Variants in CHRM3 observed in about 807,000 individuals in gnomAD.
The protein encoded by CHRM3 is muscarinic acetylcholine receptor M3.
Under a neutral mutation model 41.8 loss-of-function variants are expected in CHRM3, and 11 were observed. That is an observed-to-expected ratio of 0.26 (90% CI 0.17 to 0.44). The LOEUF (loss-of-function observed/expected upper bound fraction) is 0.44, where lower values mean the gene tolerates loss of function less well. Ranked by LOEUF, CHRM3 falls within the 20% of genes least tolerant of loss-of-function variation. The pLI is 1.00. For synonymous variants in CHRM3, 297 were observed against 301.4 expected, an observed-to-expected ratio of 0.99 and a Z score of 0.15; for missense variants, 571 against 745.4, an observed-to-expected ratio of 0.77 and a Z score of 2.72.
chr1:239,889,310 C>A (rs1226291872), intron 6 of CHRM3, among the ~76,000 whole-genome samples: 1 of 152,158 alleles, frequency 6.6e-6, no homozygotes, highest in Non-Finnish European at 1.5e-5. Context: ...GGGTCAATTT[C>A]TGGTAGCCCC....
chr1:239,616,220 C>T (rs1031136152), intron 3 of CHRM3, among the ~76,000 whole-genome samples: 1 of 151,968 alleles, frequency 6.6e-6, no homozygotes, highest in African/African-American at 2.4e-5. Flanking sequence ...GTGGTTAAAC[C>T]TAAATTTAAT....
rs77353617 is a variant in CHRM3, at chr1:239,725,703, G to A, written c.-147+47415G>A. Among the ~76,000 whole-genome samples the A allele has an allele frequency of 7.1e-3, 1,072 of 152,026 alleles. 36 individuals are homozygous for A. The East Asian group carries it at 0.095, about 14-fold the overall frequency. The stretch of plus-strand genomic sequence containing the variant: ...AACCAACAGTAATGAAAGCTTTGCT[G>A]TCTAGCTAAACGCTTTATAAAGACT... On this transcript the variant is annotated intron_variant, in intron 5 of 6. Coordinates refer to ENST00000676153, the MANE Select transcript of CHRM3 (RefSeq NM_001375978.1).
intron 2 of CHRM3, among the ~76,000 whole-genome samples, chr1:239,504,085 T>C (rs1288523622): frequency 1.3e-5 from 2 of 152,280 alleles, no homozygotes; most frequent in East Asian, 3.9e-4. Context: ...AAAGAGCTTT[T>C]GCACAGCAAA....
At chr1:239,477,424 A>G (rs998297792) in intron 1 of CHRM3, among the ~76,000 whole-genome samples, 1 of 152,218 alleles carries the variant, frequency 6.6e-6, no homozygotes. Flanking sequence ...AATCCATTCA[A>G]GACCTGGCAA....
rs139740227 is a variant in CHRM3, at chr1:239,677,423, G to A, written c.-249-763G>A. On this transcript the variant is annotated intron_variant, in intron 4 of 6. Transcript: ENST00000676153. ...TTAGGGGGAACTCATACCTAGTTGC[G>A]TCTTTTTTTGTGCTGCTATAACAAA... Among the ~76,000 whole-genome samples the A allele has an allele frequency of 6.6e-3, 1,003 of 152,266 alleles. 12 individuals carry two copies. Among genetic ancestry groups the A allele is most frequent in the African/African-American group, 0.02 (849 of 41,556 alleles).
intron 3 of CHRM3, among the ~76,000 whole-genome samples, chr1:239,598,060 A>T (rs1037627269): frequency 3.3e-5 from 5 of 152,068 alleles, no homozygotes; most frequent in African/African-American, 1.2e-4. Context: ...CATAGAAAAC[A>T]CAGCCCAGGG....
intron 1 of CHRM3, among the ~76,000 whole-genome samples, chr1:239,476,487 G>A (rs562103152): frequency 3.1e-4 from 46 of 149,992 alleles, no homozygotes; most frequent in African/African-American, 1.1e-3. Context: ...AAAAATTGCT[G>A]GTTTCTCACA....
intron 2 of CHRM3, among the ~76,000 whole-genome samples, chr1:239,500,186 T>C (rs1332558921): frequency 6.6e-6 from 1 of 152,214 alleles, no homozygotes; most frequent in Non-Finnish European, 1.5e-5. Context: ...ATTGCAGCAC[T>C]ATTCACAATA....
chr1:239,860,638 A>G (rs2149268898), intron 6 of CHRM3, among the ~76,000 whole-genome samples: 1 of 152,298 alleles, frequency 6.6e-6, no homozygotes, highest in South Asian at 2.1e-4. Context: ...AATTTCATGC[A>G]GTGTTTTAAA....
In CHRM3 at chr1:239,657,254, C is replaced by A. The variant is rs560599291; in HGVS notation, c.-249-20932C>A. ...GGAATGTGAAGAGGAGCTGGAATAC[C>A]CAAAATGTCCTAATGCTCTCTCTAC... On this transcript the variant is annotated intron_variant, in intron 4 of 6. Transcript: ENST00000676153. Among the ~76,000 whole-genome samples the A allele has an allele frequency of 3.0e-4, 45 of 152,174 alleles. No individual in the cohort carries two copies. The South Asian group carries it at 8.9e-3, about 30-fold the overall frequency.
intron 6 of CHRM3, among the ~76,000 whole-genome samples, chr1:239,870,185 T>C (rs1214071758): frequency 6.6e-6 from 1 of 152,162 alleles, no homozygotes; most frequent in Non-Finnish European, 1.5e-5. Context: ...AGGGAAAGAA[T>C]AGGCATTTTA....
chr1:239,419,087 G>C (rs972142143), intron 1 of CHRM3, among the ~76,000 whole-genome samples: 1 of 152,160 alleles, frequency 6.6e-6, no homozygotes, highest in South Asian at 2.1e-4. Context: ...ATCCCAGTTC[G>C]TCTGAAACAT....
chr1:239,646,397 T>A (rs1000729423), intron 4 of CHRM3, among the ~76,000 whole-genome samples: 15 of 152,196 alleles, frequency 9.9e-5, no homozygotes, highest in African/African-American at 2.7e-4. Flanking sequence ...ATGCTGGATA[T>A]AAGTTATGTA....
chr1:239,762,334 T>C (rs1666864707), intron 5 of CHRM3, among the ~76,000 whole-genome samples: 2 of 152,222 alleles, frequency 1.3e-5, no homozygotes, highest in South Asian at 4.1e-4. Context: ...CTGTGTTCTA[T>C]GTTAAGAGGT....
intron 5 of CHRM3, among the ~76,000 whole-genome samples, chr1:239,777,555 A>C (rs2148775818): frequency 6.6e-6 from 1 of 152,336 alleles, no homozygotes; most frequent in African/African-American, 2.4e-5. Flanking sequence ...AATAAACATT[A>C]AGTCTCACAT....
intron 5 of CHRM3, among the ~76,000 whole-genome samples, chr1:239,814,251 G>A (rs912092930): frequency 6.6e-6 from 1 of 151,978 alleles, no homozygotes; most frequent in African/African-American, 2.4e-5. Flanking sequence ...AAATTCATGC[G>A]CATTACCTAG....
chr1:239,519,039 GTC>G (rs1669455469), intron 2 of CHRM3, among the ~76,000 whole-genome samples: 1 of 152,078 alleles, frequency 6.6e-6, no homozygotes, highest in Admixed American at 6.6e-5. Flanking sequence ...CAAAGTAAAA[GTC>G]TCTATTTTTT....
At chr1:239,609,727 C>T (rs1241805086) in intron 3 of CHRM3, among the ~76,000 whole-genome samples, 1 of 152,072 alleles carries the variant, frequency 6.6e-6, no homozygotes, top group Non-Finnish European at 1.5e-5. Flanking sequence ...TAGCATTTCC[C>T]TAATGACCCA....
intron 3 of CHRM3, among the ~76,000 whole-genome samples, chr1:239,589,836 ATGTCTGACTATGCATC>A (rs1002033649): frequency 1.3e-5 from 2 of 151,500 alleles, no homozygotes; most frequent in Non-Finnish European, 2.9e-5. Context: ...ATATACACAT[ATGTCTGACTATGCATC>A]TGAAGAACTT....
Sources: gnomAD v4.1 joint callset for allele counts (sites outside exome capture counted in the v4.1 genomes callset) on GRCh38, gnomAD v4.1.1 for gene constraint, MANE v1.5 for transcripts, NCBI Gene and HGNC (gene_info 2026-07-23, HGNC 2026-07-21) for gene names.